Variants in NREP observed in about 807,000 individuals in gnomAD.
NREP encodes neuronal regeneration related protein, also known as neuronal regeneration-related protein.
NREP carries 5 observed loss-of-function variants against 8.6 expected under a neutral mutation model. The observed-to-expected ratio is 0.58, with a 90% CI of 0.30 to 1.22. NREP has a LOEUF of 1.22. Ranked by LOEUF, NREP falls within the 50% of genes most tolerant of loss-of-function variation. The pLI, the probability that NREP is intolerant of heterozygous loss-of-function variation, is 0.07. For missense variants in NREP, 86 were observed against 82.5 expected (o/e 1.04, Z -0.17); for synonymous variants, 27 against 28.0 (o/e 0.96, Z 0.11).
At chr5:111,785,028 A>G (rs913578189) in intron 2 of NREP, among the ~76,000 whole-genome samples, 4 of 152,148 alleles carry the variant, frequency 2.6e-5, no homozygotes, top group African/African-American at 7.2e-5. Context: ...GTCATTGACT[A>G]TCTTGCCTAG....
At chr5:111,809,049 C>T (rs1752208672) in intron 2 of NREP, among the ~76,000 whole-genome samples, 1 of 152,206 alleles carries the variant, frequency 6.6e-6, no homozygotes, top group African/African-American at 2.4e-5. Flanking sequence ...ATTCTGCCTT[C>T]ATCAACTTAT....
At chr5:111,917,116 G>A (rs1010587472) in intron 2 of NREP, among the ~76,000 whole-genome samples, 6 of 152,016 alleles carry the variant, frequency 3.9e-5, no homozygotes, top group Non-Finnish European at 7.4e-5. Context: ...TGGGCTTCCC[G>A]CATGCATGGT....
chr5:111,821,227 T>G (rs1426949936), intron 2 of NREP, among the ~76,000 whole-genome samples: 1 of 152,198 alleles, frequency 6.6e-6, no homozygotes, highest in East Asian at 1.9e-4. Flanking sequence ...ATTCTCATGC[T>G]TTCTTTGTTA....
chr5:111,803,532 TG>T (rs1230672687), intron 2 of NREP, among the ~76,000 whole-genome samples: 1 of 152,178 alleles, frequency 6.6e-6, no homozygotes, highest in Non-Finnish European at 1.5e-5. Context: ...TTTCAGCATT[TG>T]GGGGTCTCCC....
rs1357600064 is a variant in NREP at position 111,825,978 on chromosome 5, C to A, written c.136-90471G>T. Reference sequence around the variant, plus strand: ...TTGGATTTTTTTTTTTTTTTTGAGACAGTCTTGCTCTGTCACCCAAGCTGG... The same window carrying A: ...TTGGATTTTTTTTTTTTTTTTGAGAAAGTCTTGCTCTGTCACCCAAGCTGG... On this transcript the variant is annotated intron_variant, in intron 2 of 3. Transcript: ENST00000395634. 1.4e-5 allele frequency among the ~76,000 whole-genome samples: 2 copies of A among 144,222 alleles called. 1 individual carries two copies. The highest frequency in any genetic ancestry group is 4.4e-4 in the South Asian group (2 of 4,584). The allele number at this position is 144,222 out of a possible 152,430, so 94.6% of individuals were successfully genotyped here.
intron 2 of NREP, among the ~76,000 whole-genome samples, chr5:111,955,642 T>C (rs970210625): frequency 6.6e-6 from 1 of 152,110 alleles, no homozygotes; most frequent in Admixed American, 6.5e-5. Context: ...TAAATACCGA[T>C]TGAAATACTC....
At chr5:111,898,938 A>G (rs1276521783) in intron 2 of NREP, among the ~76,000 whole-genome samples, 1 of 152,122 alleles carries the variant, frequency 6.6e-6, no homozygotes, top group Non-Finnish European at 1.5e-5. Flanking sequence ...AAGGTGATAT[A>G]TTCAAAGTGC....
chr5:111,906,767 T>C (rs554023806), intron 2 of NREP, among the ~76,000 whole-genome samples: 3 of 152,184 alleles, frequency 2.0e-5, no homozygotes, highest in African/African-American at 4.8e-5. Context: ...TAAGGATATA[T>C]GGTTTTTAGC....
intron 2 of NREP, among the ~76,000 whole-genome samples, chr5:111,958,621 A>C (rs1041650034): frequency 6.6e-6 from 1 of 152,000 alleles, no homozygotes; most frequent in Non-Finnish European, 1.5e-5. Context: ...TTTTAGCTAA[A>C]ATATGCACAA....
intron 2 of NREP, among the ~76,000 whole-genome samples, chr5:111,867,708 A>C (rs1753699835): frequency 6.6e-6 from 1 of 152,176 alleles, no homozygotes; most frequent in South Asian, 2.1e-4. Context: ...AGAGCCATCG[A>C]ATAAGAAAAC....
intron 2 of NREP, among the ~76,000 whole-genome samples, chr5:111,850,330 T>C (rs1175102599): frequency 6.6e-6 from 1 of 152,184 alleles, no homozygotes. Flanking sequence ...CATGACTTTA[T>C]TCAATACAGC....
intron 2 of NREP, among the ~76,000 whole-genome samples, chr5:111,973,010 G>A (rs895818647): frequency 3.2e-4 from 48 of 152,174 alleles, no homozygotes; most frequent in Non-Finnish European, 5.1e-4. Context: ...GTTGTGTGTA[G>A]CTGCACCAGG....
intron 2 of NREP, among the ~76,000 whole-genome samples, chr5:111,921,656 G>A (rs939790738): frequency 6.6e-6 from 1 of 152,294 alleles, no homozygotes; most frequent in Non-Finnish European, 1.5e-5. Flanking sequence ...TAGTAGGACA[G>A]AGAGGTTGCT....
intron 2 of NREP, among the ~76,000 whole-genome samples, chr5:111,927,392 C>G (rs1755418566): frequency 6.6e-6 from 1 of 152,056 alleles, no homozygotes; most frequent in African/African-American, 2.4e-5. Context: ...TCTAAGCTAG[C>G]AGAAAGGGTG....
intron 2 of NREP, among the ~76,000 whole-genome samples, chr5:111,891,745 G>A (rs1371580411): frequency 6.6e-6 from 1 of 152,136 alleles, no homozygotes; most frequent in African/African-American, 2.4e-5. Flanking sequence ...AGGAGCAAGA[G>A]GGGAGAGGTG....
At chr5:111,794,461 G>A (rs1751830461) in intron 2 of NREP, among the ~76,000 whole-genome samples, 1 of 152,088 alleles carries the variant, frequency 6.6e-6, no homozygotes, top group African/African-American at 2.4e-5. Flanking sequence ...AATAAACTAT[G>A]GTATATCCAG....
chr5:111,732,932 A>T (rs994775935), intron 3 of NREP: 2 of 152,216 alleles, frequency 1.3e-5, no homozygotes, highest in African/African-American at 2.4e-5. Context: ...ACTCTGTTCA[A>T]AAGTGAATAT....
chr5:111,897,363 C>T (rs558069563), intron 2 of NREP, among the ~76,000 whole-genome samples: 1 of 152,202 alleles, frequency 6.6e-6, no homozygotes, highest in Non-Finnish European at 1.5e-5. Context: ...GTGCATTCTA[C>T]AAGGCAACTC....
chr5:111,858,983 C>T (rs2112478666), intron 2 of NREP, among the ~76,000 whole-genome samples: 1 of 152,122 alleles, frequency 6.6e-6, no homozygotes, highest in Admixed American at 6.5e-5. Context: ...AAGAACCAGT[C>T]ATAAAAAATA....
Sources: gnomAD v4.1 joint callset for allele counts (sites outside exome capture counted in the v4.1 genomes callset) on GRCh38, gnomAD v4.1.1 for gene constraint, MANE v1.5 for transcripts, NCBI Gene and HGNC (gene_info 2026-07-23, HGNC 2026-07-21) for gene names.